DCAF8L2: variants seen among roughly 807,000 people sequenced by gnomAD.
DCAF8L2 encodes the protein DDB1- and CUL4-associated factor 8-like protein 2.
For synonymous variants in DCAF8L2, 200 were observed against 190.9 expected (o/e 1.05, Z -0.39); for missense variants, 430 against 490.7 (o/e 0.88, Z 1.17).
At chrX:27,508,839 T>C in the DCAF8L2 span, among the ~76,000 whole-genome samples, 1 of 108,840 alleles carries the variant, frequency 9.2e-6, no homozygotes, top group Non-Finnish European at 1.9e-5. Context: ...CTGGTGCAGT[T>C]GCATCTCATC....
At chrX:27,551,775 A>T in the DCAF8L2 span, among the ~76,000 whole-genome samples, 2 of 112,012 alleles carry the variant, frequency 1.8e-5, no homozygotes, top group African/African-American at 6.5e-5. Flanking sequence ...GGCTATTGTG[A>T]ACAGTGCTGC....
rs1922461936 is a variant in DCAF8L2, at chrX:27,749,575, G to T, written c.*784G>T. Among the ~76,000 whole-genome samples the T allele has an allele frequency of 8.9e-6, 1 of 111,937 alleles. No homozygotes were observed. Among genetic ancestry groups the T allele is most frequent in the African/African-American group, 3.2e-5 (1 of 30,813 alleles). On this transcript the variant is annotated 3_prime_UTR_variant, in exon 5 of 5. Transcript: ENST00000451261. ...AAATTAAATTTGATCACATGACATT[G>T]TTTACTCTGTGCATTAAGTTTTCTT...
intron 1 of DCAF8L2, among the ~76,000 whole-genome samples, chrX:27,604,748 C>T (rs773951215): frequency 9.0e-6 from 1 of 111,614 alleles, no homozygotes; most frequent in African/African-American, 3.2e-5. Flanking sequence ...CCCTTTGCTT[C>T]CCTCTACAAG....
intron 3 of DCAF8L2, among the ~76,000 whole-genome samples, chrX:27,706,838 AT>A (rs1931362252): frequency 8.9e-6 from 1 of 112,203 alleles, no homozygotes; most frequent in East Asian, 2.8e-4. Context: ...ATGAATGTTT[AT>A]AGCAACATTA....
At chrX:27,618,101 C>T (rs1228764351) in intron 1 of DCAF8L2, among the ~76,000 whole-genome samples, 1 of 111,398 alleles carries the variant, frequency 9.0e-6, no homozygotes, top group Non-Finnish European at 1.9e-5. Context: ...TTAGAGAAAA[C>T]TCAATAAAAT....
the DCAF8L2 span, among the ~76,000 whole-genome samples, chrX:27,543,839 C>T: frequency 1.8e-5 from 2 of 111,188 alleles, no homozygotes; most frequent in Non-Finnish European, 3.8e-5. Context: ...AAAAAACTTC[C>T]AAGGTTACTT....
the DCAF8L2 span, among the ~76,000 whole-genome samples, chrX:27,482,601 C>T: frequency 9.0e-6 from 1 of 111,714 alleles, no homozygotes; most frequent in Non-Finnish European, 1.9e-5. Flanking sequence ...AAAAGAAAAT[C>T]TGATCTTTGA....
chrX:27,654,471 A>G (rs1042213622), intron 2 of DCAF8L2, among the ~76,000 whole-genome samples: 1 of 112,226 alleles, frequency 8.9e-6, no homozygotes, highest in Non-Finnish European at 1.9e-5. Flanking sequence ...TTTCTTCATT[A>G]AATGAAAATG....
intron 3 of DCAF8L2, among the ~76,000 whole-genome samples, chrX:27,683,861 G>T (rs922759101): frequency 1.8e-4 from 20 of 111,887 alleles, no homozygotes; most frequent in African/African-American, 5.8e-4. Context: ...GTTCACCTGA[G>T]ATTGCACTGT....
At position 27,616,187 on chromosome X, in the gene DCAF8L2, A is replaced by G. The variant is rs1406998128; in HGVS notation, c.-341-15692A>G. On this transcript the variant is annotated intron_variant, in intron 1 of 4. Coordinates refer to ENST00000451261, the MANE Select transcript of DCAF8L2 (RefSeq NM_001353450.2). Reference sequence around the variant, plus strand: ...AGATTATTTTGTGGCTAAAGATACTATTGCTGTTATTTCTAGTATCATTGT... The same window carrying G: ...AGATTATTTTGTGGCTAAAGATACTGTTGCTGTTATTTCTAGTATCATTGT... 2.7e-5 allele frequency among the ~76,000 whole-genome samples: 3 copies of G among 111,021 alleles called. No homozygotes were observed. In the Admixed American group the frequency reaches 2.9e-4, roughly 11 times the overall value.
At chrX:27,730,777 G>T in intron 4 of DCAF8L2, among the ~76,000 whole-genome samples, 1 of 109,997 alleles carries the variant, frequency 9.1e-6, no homozygotes, top group East Asian at 2.8e-4. Context: ...TGCAAGCTGT[G>T]AAACAGATCA....
chrX:27,514,709 C>G, the DCAF8L2 span, among the ~76,000 whole-genome samples: 1 of 52,806 alleles, frequency 1.9e-5, no homozygotes, highest in African/African-American at 7.8e-5. Context: ...AAAAAAAAAA[C>G]AGAGTGAAAT....
At chrX:27,608,480 C>A in intron 1 of DCAF8L2, among the ~76,000 whole-genome samples, 1 of 111,296 alleles carries the variant, frequency 9.0e-6, no homozygotes, top group South Asian at 3.7e-4. Flanking sequence ...AGTTAAATTT[C>A]TTTTGAATAC....
chrX:27,601,936 T>G (rs1041511103), intron 1 of DCAF8L2, among the ~76,000 whole-genome samples: 2 of 111,510 alleles, frequency 1.8e-5, no homozygotes, highest in Non-Finnish European at 3.8e-5. Context: ...GGGAGAAATT[T>G]ATTTTTTCTA....
intron 2 of DCAF8L2, among the ~76,000 whole-genome samples, chrX:27,676,462 A>AATC (rs1025145415): frequency 9.0e-5 from 10 of 111,290 alleles, no homozygotes; most frequent in Non-Finnish European, 1.7e-4. Context: ...ACAATATTAG[A>AATC]ATCTTAACAA....
chrX:27,497,272 T>C, the DCAF8L2 span, among the ~76,000 whole-genome samples: 1 of 112,022 alleles, frequency 8.9e-6, no homozygotes, highest in South Asian at 3.7e-4. Context: ...AAGATCCTGG[T>C]TGTGGTATTG....
rs1471423802 is a variant in DCAF8L2, at chrX:27,713,498, A to G, written c.-142-2590A>G. 4.5e-5 allele frequency among the ~76,000 whole-genome samples: 5 copies of G among 111,613 alleles called. No individual in the cohort carries two copies. In the Admixed American group the frequency reaches 4.8e-4, roughly 11 times the overall value. On this transcript the variant is annotated intron_variant, in intron 3 of 4. Transcript: ENST00000451261. ...GCAGAAATACCTAGGACATACACAA[A>G]CCTTTTGAGGAGATTTTCTGTAAAG...
intron 1 of DCAF8L2, among the ~76,000 whole-genome samples, chrX:27,592,415 T>G (rs1212935689): frequency 1.6e-3 from 78 of 50,264 alleles, no homozygotes; most frequent in African/African-American, 2.0e-3. Flanking sequence ...TTGTTTGTTT[T>G]TGTTTTTTTT....
At chrX:27,621,259 G>T (rs1011411879) in intron 1 of DCAF8L2, among the ~76,000 whole-genome samples, 2 of 102,712 alleles carry the variant, frequency 1.9e-5, no homozygotes, top group African/African-American at 7.1e-5. Context: ...GAGATCGATG[G>T]TGATGATGGT....
Sources: gnomAD v4.1 joint callset for allele counts (sites outside exome capture counted in the v4.1 genomes callset) on GRCh38, gnomAD v4.1.1 for gene constraint, MANE v1.5 for transcripts, NCBI Gene and HGNC (gene_info 2026-07-23, HGNC 2026-07-21) for gene names.